Variants in KCNQ5 observed in about 807,000 individuals in gnomAD.
KCNQ5 encodes potassium voltage-gated channel subfamily KQT member 5.
KCNQ5 carries 30 observed loss-of-function variants against 98.2 expected under a neutral mutation model. The observed-to-expected ratio is 0.31, with a 90% CI of 0.23 to 0.41. The LOEUF is 0.41. KCNQ5 is among the 10% of genes least tolerant of loss of function. The pLI is 1.00. For synonymous variants in KCNQ5, 458 were observed against 449.4 expected (o/e 1.02, Z -0.24); for missense variants, 835 against 1,182.5 (o/e 0.71, Z 4.31).
At chr6:73,023,439 C>G (rs1199176325) in intron 2 of KCNQ5, among the ~76,000 whole-genome samples, 2 of 151,684 alleles carry the variant, frequency 1.3e-5, no homozygotes, top group Non-Finnish European at 2.9e-5. Context: ...GAGATCATGG[C>G]TATGTAGAGA....
intron 1 of KCNQ5, among the ~76,000 whole-genome samples, chr6:72,744,938 G>A (rs1771308417): frequency 6.6e-6 from 1 of 152,170 alleles, no homozygotes; most frequent in South Asian, 2.1e-4. Flanking sequence ...ACTGGATATT[G>A]AAGCCTGGAA....
In KCNQ5 at chr6:72,680,855, G is replaced by C. The variant is rs79591187; in HGVS notation, c.398+58268G>C. Among the ~76,000 whole-genome samples, 62 of 152,286 alleles carry C rather than the reference G, an allele frequency of 4.1e-4. 1 individual carries two copies. In the East Asian group the frequency reaches 0.011, roughly 27 times the overall value. Reference sequence around the variant, plus strand: ...TTTCCTCATTGGCTTTGTTGGATTAGTCCTAAATAACCCAAAAGGAAACAT... The same window carrying C: ...TTTCCTCATTGGCTTTGTTGGATTACTCCTAAATAACCCAAAAGGAAACAT... On this transcript the variant is annotated intron_variant, in intron 1 of 13. Coordinates refer to ENST00000370398, the MANE Select transcript of KCNQ5 (RefSeq NM_019842.4).
At position 72,759,649 on chromosome 6, in the gene KCNQ5, T is replaced by C. The variant is rs1297667864; in HGVS notation, c.398+137062T>C. Among the ~76,000 whole-genome samples, 4 of 152,094 alleles carry C rather than the reference T, an allele frequency of 2.6e-5. No individual in the cohort carries two copies. The East Asian group carries it at 5.8e-4, about 22-fold the overall frequency. Reference sequence around the variant, plus strand: ...GTGCCCCTTTCTTCTCAAAATACCATGATTTGGATGAAAATATAAATTGCC... The same window carrying C: ...GTGCCCCTTTCTTCTCAAAATACCACGATTTGGATGAAAATATAAATTGCC... On this transcript the variant is annotated intron_variant, in intron 1 of 13. Coordinates refer to ENST00000370398, the MANE Select transcript of KCNQ5 (RefSeq NM_019842.4).
chr6:72,707,220 T>G (rs1769135001), intron 1 of KCNQ5, among the ~76,000 whole-genome samples: 1 of 152,242 alleles, frequency 6.6e-6, no homozygotes, highest in Non-Finnish European at 1.5e-5. Flanking sequence ...AATCTGGATT[T>G]TACGAATGTT....
At chr6:73,039,149 T>G (rs904498771) in intron 2 of KCNQ5, among the ~76,000 whole-genome samples, 1 of 152,166 alleles carries the variant, frequency 6.6e-6, no homozygotes, top group African/African-American at 2.4e-5. Context: ...TAGTACTCCT[T>G]CATTTTTTCA....
intron 5 of KCNQ5, among the ~76,000 whole-genome samples, chr6:73,095,400 A>C (rs1328288647): frequency 6.6e-6 from 1 of 152,174 alleles, no homozygotes; most frequent in Non-Finnish European, 1.5e-5. Context: ...CTTAATAATT[A>C]ACCTCCTCAA....
chr6:72,850,066 A>T (rs898748907), intron 1 of KCNQ5, among the ~76,000 whole-genome samples: 1 of 152,156 alleles, frequency 6.6e-6, no homozygotes, highest in African/African-American at 2.4e-5. Flanking sequence ...CAATTTATGA[A>T]TTTTTAAGAC....
chr6:73,168,532 G>A (rs532015894), intron 10 of KCNQ5, among the ~76,000 whole-genome samples: 16 of 152,148 alleles, frequency 1.1e-4, no homozygotes, highest in South Asian at 4.2e-4. Context: ...GTGAAACCCC[G>A]TCTCTACTAA....
chr6:73,029,364 A>T (rs1345536564), intron 2 of KCNQ5, among the ~76,000 whole-genome samples: 1 of 152,152 alleles, frequency 6.6e-6, no homozygotes, highest in South Asian at 2.1e-4. Context: ...AGCTGTCAGG[A>T]TAATTCACCA....
intron 1 of KCNQ5, chr6:72,677,209 A>G (rs1279497322): frequency 6.6e-6 from 1 of 152,224 alleles, no homozygotes; most frequent in Admixed American, 6.5e-5. Context: ...TACATCAGTT[A>G]CTGGGGTAAG....
At chr6:73,006,506 A>T (rs542406853) in intron 2 of KCNQ5, among the ~76,000 whole-genome samples, 56 of 152,116 alleles carry the variant, frequency 3.7e-4, no homozygotes, top group African/African-American at 1.1e-3. Context: ...CACAAAAATT[A>T]TCTGGGTGTG....
At chr6:72,670,464 GTTTTTGTTT>G (rs1228319485) in intron 1 of KCNQ5, among the ~76,000 whole-genome samples, 2 of 151,946 alleles carry the variant, frequency 1.3e-5, no homozygotes, top group Non-Finnish European at 2.9e-5. Context: ...AACTTTTAGG[GTTTTTGTTT>G]TTTTTGTTTT....
Position 72,658,070 on chromosome 6 carries a change from CT to C in KCNQ5, c.398+35484del, listed in dbSNP as rs140063225. 9.7e-3 allele frequency among the ~76,000 whole-genome samples: 1,472 copies of C among 152,320 alleles called. 16 individuals carry two copies. The highest frequency in any genetic ancestry group is 0.032 in the African/African-American group (1,312 of 41,576). ...ATGATGGGCAGCCCAAGAAGTTCTC[CT>C]GAAACTCTTGAAATCCTTCCCTTTT... On this transcript the variant is annotated intron_variant, in intron 1 of 13. Transcript: ENST00000370398.
At chr6:72,901,480 G>C (rs1172402515) in intron 1 of KCNQ5, among the ~76,000 whole-genome samples, 1 of 152,094 alleles carries the variant, frequency 6.6e-6, no homozygotes, top group Non-Finnish European at 1.5e-5. Context: ...TAGAGTTTCA[G>C]GTCCTAGATT....
chr6:72,629,178 A>G (rs1055298399), intron 1 of KCNQ5, among the ~76,000 whole-genome samples: 11 of 152,200 alleles, frequency 7.2e-5, no homozygotes, highest in Admixed American at 5.9e-4. Context: ...TCTGTTGGCC[A>G]TTCTATGTGT....
At chr6:72,945,036 A>C (rs181644160) in intron 1 of KCNQ5, among the ~76,000 whole-genome samples, 1 of 152,288 alleles carries the variant, frequency 6.6e-6, no homozygotes, top group African/African-American at 2.4e-5. Flanking sequence ...ATATTCTGCT[A>C]CTATCGATAT....
At chr6:72,634,207 GAATT>G (rs2098922696) in intron 1 of KCNQ5, among the ~76,000 whole-genome samples, 1 of 152,156 alleles carries the variant, frequency 6.6e-6, no homozygotes, top group African/African-American at 2.4e-5. Context: ...TTGAATAAAT[GAATT>G]ATAGTTAAAA....
At chr6:72,986,901 C>T in intron 1 of KCNQ5, 1 of 856,810 alleles carries the variant, frequency 1.2e-6, no homozygotes, top group Non-Finnish European at 2.0e-6. Context: ...GACACTTGCT[C>T]AGTGGGGAAG....
At chr6:72,632,138 C>CTTTTTT (rs71540354) in intron 1 of KCNQ5, among the ~76,000 whole-genome samples, 19 of 127,662 alleles carry the variant, frequency 1.5e-4, no homozygotes, top group Admixed American at 2.5e-4. Context: ...TTCTTTCTTT[C>CTTTTTT]TTTTTTTTTT....
Sources: allele counts gnomAD v4.1 joint callset (sites outside exome capture counted in the v4.1 genomes callset), GRCh38; gene constraint gnomAD v4.1.1; transcripts MANE v1.5; gene names NCBI Gene and HGNC (gene_info 2026-07-23, HGNC 2026-07-21).